Variants in MAGI2 observed in about 807,000 individuals in gnomAD.
The protein encoded by MAGI2 is membrane-associated guanylate kinase, WW and PDZ domain-containing protein 2.
MAGI2 carries 35 observed loss-of-function variants against 133.3 expected under a neutral mutation model. The ratio of observed to expected loss-of-function variants is 0.26; its 90% CI spans 0.20 to 0.35. The LOEUF is 0.35. Among genes scored for constraint, MAGI2 ranks in the 10% least tolerant of loss-of-function variants. The pLI is 1.00. For missense variants in MAGI2, 1,636 were observed against 1,863.4 expected (o/e 0.88, Z 2.25); for synonymous variants, 729 against 710.6 (o/e 1.03, Z -0.41).
At chr7:79,133,992 A>C (rs1453103679) in intron 1 of MAGI2, among the ~76,000 whole-genome samples, 1 of 152,216 alleles carries the variant, frequency 6.6e-6, no homozygotes, top group Non-Finnish European at 1.5e-5. Context: ...TCAATTGTAT[A>C]ATACATACAC....
At chr7:78,717,103 C>A (rs1254109362) in intron 2 of MAGI2, among the ~76,000 whole-genome samples, 2 of 152,098 alleles carry the variant, frequency 1.3e-5, no homozygotes, top group African/African-American at 2.4e-5. Flanking sequence ...AGACCTCTCC[C>A]GCCTGGACCT....
At chr7:78,294,940 G>T (rs954960065) in intron 9 of MAGI2, among the ~76,000 whole-genome samples, 14 of 151,824 alleles carry the variant, frequency 9.2e-5, no homozygotes, top group African/African-American at 3.4e-4. Flanking sequence ...TGCATGATAT[G>T]TTACCATTTT....
chr7:79,239,013 T>G (rs533361019), intron 1 of MAGI2, among the ~76,000 whole-genome samples: 74 of 152,226 alleles, frequency 4.9e-4, no homozygotes, highest in African/African-American at 1.7e-3. Context: ...AATAATAAAA[T>G]CGTAGTAACA....
chr7:78,185,405 G>A, intron 13 of MAGI2: 2 of 381,786 alleles, frequency 5.2e-6, no homozygotes, highest in Non-Finnish European at 9.4e-6. Flanking sequence ...AGTATTTTAT[G>A]AAAGAAATTC....
rs150314144 is a variant in MAGI2 at position 79,372,035 on chromosome 7, A to C, written c.301+80985T>G. ...AGAGCAACCCTACGAGGTAGCTACT[A>C]GTGTATCATTCTATTTTATGGGTAA... On this transcript the variant is annotated intron_variant, in intron 1 of 21. Coordinates refer to ENST00000354212, the MANE Select transcript of MAGI2 (RefSeq NM_012301.4). 2.6e-4 allele frequency among the ~76,000 whole-genome samples: 40 copies of C among 152,290 alleles called. 1 individual carries two copies. Among genetic ancestry groups the C allele is most frequent in the Admixed American group, 2.6e-3 (39 of 15,282 alleles).
intron 2 of MAGI2, chr7:78,902,579 G>A (rs982553415): frequency 1.3e-5 from 2 of 152,146 alleles, no homozygotes; most frequent in Non-Finnish European, 2.9e-5. Flanking sequence ...TCTTTTAGAA[G>A]CCGGAGTTCT....
At chr7:79,089,456 A>G (rs1259796110) in intron 1 of MAGI2, among the ~76,000 whole-genome samples, 1 of 152,148 alleles carries the variant, frequency 6.6e-6, no homozygotes, top group African/African-American at 2.4e-5. Flanking sequence ...ATTACTGGGT[A>G]TATACCCAAA....
chr7:79,431,753 TTTGGGTA>T (rs1256659539), intron 1 of MAGI2, among the ~76,000 whole-genome samples: 2 of 152,224 alleles, frequency 1.3e-5, no homozygotes, highest in Non-Finnish European at 2.9e-5. Context: ...ATATGACATA[TTTGGGTA>T]CTATAACTGT....
chr7:78,031,410 TA>T (rs1267419062), intron 21 of MAGI2, among the ~76,000 whole-genome samples: 4 of 152,240 alleles, frequency 2.6e-5, no homozygotes, highest in African/African-American at 9.6e-5. Flanking sequence ...AAAGTATTTT[TA>T]AACCTGGGTG....
At chr7:79,310,935 A>AAC (rs913629598) in intron 1 of MAGI2, among the ~76,000 whole-genome samples, 1 of 115,884 alleles carries the variant, frequency 8.6e-6, no homozygotes, top group African/African-American at 2.8e-5. Flanking sequence ...CTCACTTTAA[A>AAC]ACACACACAC....
chr7:78,555,086 C>G (rs1380990436), intron 3 of MAGI2, among the ~76,000 whole-genome samples: 2 of 151,598 alleles, frequency 1.3e-5, no homozygotes, highest in African/African-American at 2.4e-5. Flanking sequence ...CTGCAGTGAA[C>G]TATGATCACT....
intron 1 of MAGI2, among the ~76,000 whole-genome samples, chr7:79,322,725 G>A (rs1249627362): frequency 1.3e-5 from 2 of 151,186 alleles, no homozygotes; most frequent in African/African-American, 4.9e-5. Context: ...GGCAGAGGTT[G>A]CGGTGAGCTG....
chr7:78,543,446 A>C (rs1010887619), intron 3 of MAGI2, among the ~76,000 whole-genome samples: 1 of 152,360 alleles, frequency 6.6e-6, no homozygotes, highest in African/African-American at 2.4e-5. Flanking sequence ...AATGTATCAA[A>C]CATCATTTTT....
At chr7:78,672,762 G>C (rs1300260954) in intron 2 of MAGI2, among the ~76,000 whole-genome samples, 1 of 152,148 alleles carries the variant, frequency 6.6e-6, no homozygotes, top group Non-Finnish European at 1.5e-5. Context: ...AGAAACTCTG[G>C]ATTGAGGCCC....
At chr7:79,140,630 G>T (rs951930439) in intron 1 of MAGI2, among the ~76,000 whole-genome samples, 2 of 152,156 alleles carry the variant, frequency 1.3e-5, no homozygotes, top group African/African-American at 4.8e-5. Context: ...CACAATGATT[G>T]TAGGTTTCTT....
rs148820037 is a variant in MAGI2, at chr7:78,801,555, A to G, written c.419-174316T>C. On this transcript the variant is annotated intron_variant, in intron 2 of 21. Coordinates refer to ENST00000354212, the MANE Select transcript of MAGI2 (RefSeq NM_012301.4). ...GAAAGGAGTGTTACCTCTGCAAACC[A>G]TGTAGGAACCACAGAGGAAAATACA... Among the ~76,000 whole-genome samples, 38 of 152,292 alleles carry G rather than the reference A, an allele frequency of 2.5e-4. No homozygotes were observed. In the East Asian group the frequency reaches 7.3e-3, roughly 29 times the overall value.
At chr7:79,029,345 C>G (rs193212047) in intron 1 of MAGI2, among the ~76,000 whole-genome samples, 2 of 152,126 alleles carry the variant, frequency 1.3e-5, no homozygotes, top group Admixed American at 6.5e-5. Flanking sequence ...TATTTGAAGT[C>G]ATTCATTAAA....
chr7:78,965,579 T>C (rs1454475210), intron 2 of MAGI2, among the ~76,000 whole-genome samples: 1 of 152,056 alleles, frequency 6.6e-6, no homozygotes, highest in Non-Finnish European at 1.5e-5. Context: ...GCTGTTCTCC[T>C]AGGAAATCAG....
At chr7:78,159,371 C>T (rs1321034908) in intron 16 of MAGI2, among the ~76,000 whole-genome samples, 1 of 152,162 alleles carries the variant, frequency 6.6e-6, no homozygotes, top group African/African-American at 2.4e-5. Flanking sequence ...TCAATTTCCA[C>T]AAGCATTTAG....
Sources: gnomAD v4.1 joint callset for allele counts (sites outside exome capture counted in the v4.1 genomes callset) on GRCh38, gnomAD v4.1.1 for gene constraint, MANE v1.5 for transcripts, NCBI Gene and HGNC (gene_info 2026-07-23, HGNC 2026-07-21) for gene names.